ROBO2: variants seen among roughly 807,000 people sequenced by gnomAD.
The protein encoded by ROBO2 is roundabout homolog 2.
A neutral mutation model predicts 160.8 loss-of-function variants in ROBO2; 53 were observed. The ratio of observed to expected loss-of-function variants is 0.33; its 90% CI spans 0.26 to 0.41. The LOEUF (loss-of-function observed/expected upper bound fraction) is 0.41. Among genes scored for constraint, ROBO2 ranks in the 10% least tolerant of loss-of-function variants. The pLI, the probability that ROBO2 is intolerant of heterozygous loss-of-function variation, is 1.00. For synonymous variants in ROBO2, 664 were observed against 611.7 expected (o/e 1.09, Z -1.26); for missense variants, 1,577 against 1,722.4 (o/e 0.92, Z 1.49).
At chr3:76,576,020 T>A (rs1360053403) in intron 2 of ROBO2, among the ~76,000 whole-genome samples, 1 of 152,106 alleles carries the variant, frequency 6.6e-6, no homozygotes, top group Admixed American at 6.6e-5. Flanking sequence ...TAAAGTGGAT[T>A]CTGCATAAAC....
intron 2 of ROBO2, among the ~76,000 whole-genome samples, chr3:76,400,011 A>T (rs2077721993): frequency 6.6e-6 from 1 of 151,714 alleles, no homozygotes; most frequent in Non-Finnish European, 1.5e-5. Context: ...CGACAAGTGT[A>T]GCAACTTCTC....
At chr3:77,074,484 C>G (rs760766293) in intron 1 of ROBO2, among the ~76,000 whole-genome samples, 1 of 152,166 alleles carries the variant, frequency 6.6e-6, no homozygotes, top group Non-Finnish European at 1.5e-5. Flanking sequence ...AATCAAGGCA[C>G]AGTCTTTTCT....
chr3:76,927,755 T>C (rs1417645568), intron 2 of ROBO2, among the ~76,000 whole-genome samples: 1 of 152,216 alleles, frequency 6.6e-6, no homozygotes, highest in Non-Finnish European at 1.5e-5. Flanking sequence ...ATGAACTTTC[T>C]ATTTTCTATC....
rs150562287 is a variant in ROBO2 at position 76,669,004 on chromosome 3, T to C, written c.110-429010T>C. On this transcript the variant is annotated intron_variant, in intron 2 of 26. Coordinates refer to the ROBO2 transcript ENST00000487694. The stretch of plus-strand genomic sequence containing the variant: ...GCAAACTTGACATGAGACGCCTTTT[T>C]TGTAGTACAGCGAGAGAGGGGCATG... 5.1e-3 allele frequency among the ~76,000 whole-genome samples: 780 copies of C among 152,204 alleles called. 15 individuals carry two copies. Among genetic ancestry groups the C allele is most frequent in the African/African-American group, 0.018 (760 of 41,548 alleles).
intron 2 of ROBO2, among the ~76,000 whole-genome samples, chr3:76,003,068 G>A (rs922278838): frequency 6.6e-6 from 1 of 152,184 alleles, no homozygotes; most frequent in African/African-American, 2.4e-5. Context: ...GGATTCAGCA[G>A]GGGGTTGGTA....
At position 77,263,091 on chromosome 3, in the gene ROBO2, A is replaced by G. The variant is rs539584438; in HGVS notation, c.388+164751A>G. Among the ~76,000 whole-genome samples the G allele has an allele frequency of 9.2e-5, 14 of 152,332 alleles. No homozygotes were observed. The East Asian group carries it at 2.7e-3, about 29-fold the overall frequency. ...GTGAAATACCATCGATCTCAGTGGA[A>G]CAAGTTGCAAAGTAATTTGTAGAAC... On this transcript the variant is annotated intron_variant, in intron 2 of 25. Transcript: ENST00000461745.
intron 2 of ROBO2, among the ~76,000 whole-genome samples, chr3:76,202,222 G>A (rs888447612): frequency 6.6e-6 from 1 of 152,124 alleles, no homozygotes; most frequent in Non-Finnish European, 1.5e-5. Context: ...CCCTTCGACT[G>A]TTTCATAATT....
chr3:77,243,442 G>A (rs1423773289), intron 2 of ROBO2, among the ~76,000 whole-genome samples: 4 of 152,170 alleles, frequency 2.6e-5, no homozygotes, highest in Non-Finnish European at 4.4e-5. Flanking sequence ...GGAGGGAGGA[G>A]TCCTTACCAG....
chr3:76,535,112 G>T (rs535232028), intron 2 of ROBO2, among the ~76,000 whole-genome samples: 1 of 152,132 alleles, frequency 6.6e-6, no homozygotes, highest in African/African-American at 2.4e-5. Flanking sequence ...GATGCAAGGG[G>T]TTGGTAAAGA....
At chr3:76,387,847 C>T (rs35866129) in intron 2 of ROBO2, among the ~76,000 whole-genome samples, 20,693 of 152,086 alleles carry the variant, frequency 0.14, 1,489 homozygotes, top group Non-Finnish European at 0.16. Flanking sequence ...AAAATATAGC[C>T]AAATCTTTAA....
chr3:76,106,713 A>G (rs756700699), intron 2 of ROBO2, among the ~76,000 whole-genome samples: 1 of 152,148 alleles, frequency 6.6e-6, no homozygotes, highest in Non-Finnish European at 1.5e-5. Flanking sequence ...ACAGAAGAGC[A>G]TTTACATTTT....
intron 2 of ROBO2, among the ~76,000 whole-genome samples, chr3:76,593,867 A>G (rs2086575183): frequency 6.6e-6 from 1 of 152,104 alleles, no homozygotes; most frequent in South Asian, 2.1e-4. Context: ...GGCAGCTATT[A>G]TAATTTTTTA....
chr3:77,171,456 G>T (rs751183974), intron 2 of ROBO2, among the ~76,000 whole-genome samples: 3 of 152,132 alleles, frequency 2.0e-5, no homozygotes, highest in Non-Finnish European at 4.4e-5. Context: ...AAGAAAAAAA[G>T]TATTTTACTT....
intron 2 of ROBO2, among the ~76,000 whole-genome samples, chr3:76,403,151 A>G (rs2077938432): frequency 6.6e-6 from 1 of 151,564 alleles, no homozygotes; most frequent in Admixed American, 6.6e-5. Context: ...GGGGGCCATT[A>G]TTATGCCTAT....
At chr3:77,072,958 A>G (rs2067576073) in intron 1 of ROBO2, among the ~76,000 whole-genome samples, 1 of 152,208 alleles carries the variant, frequency 6.6e-6, no homozygotes, top group African/African-American at 2.4e-5. Context: ...GTTCAATGCA[A>G]TGAGTAGCAG....
chr3:76,797,437 C>G (rs868034835), intron 2 of ROBO2, among the ~76,000 whole-genome samples: 1 of 151,922 alleles, frequency 6.6e-6, no homozygotes, highest in Non-Finnish European at 1.5e-5. Context: ...ACAGCAAAAG[C>G]AGTACTAAGA....
At chr3:76,044,442 G>GACATT (rs1228856859) in intron 2 of ROBO2, among the ~76,000 whole-genome samples, 1 of 152,032 alleles carries the variant, frequency 6.6e-6, no homozygotes, top group Non-Finnish European at 1.5e-5. Flanking sequence ...AACACATGGT[G>GACATT]ACATTCACTA....
chr3:76,172,022 G>C (rs1156413502), intron 2 of ROBO2, among the ~76,000 whole-genome samples: 1 of 152,040 alleles, frequency 6.6e-6, no homozygotes, highest in African/African-American at 2.4e-5. Context: ...CCAAATTCCA[G>C]GTCAACTCCT....
intron 2 of ROBO2, among the ~76,000 whole-genome samples, chr3:77,234,633 TA>T (rs2151307922): frequency 6.6e-6 from 1 of 152,356 alleles, no homozygotes; most frequent in African/African-American, 2.4e-5. Context: ...GTTTTATTAA[TA>T]TTTTTCAATT....
Sources: allele counts gnomAD v4.1 joint callset (sites outside exome capture counted in the v4.1 genomes callset), GRCh38; gene constraint gnomAD v4.1.1; transcripts MANE v1.5; gene names NCBI Gene and HGNC (gene_info 2026-07-23, HGNC 2026-07-21).